CALN1: variants seen among roughly 807,000 people sequenced by gnomAD.
CALN1 encodes the protein calcium-binding protein 8.
CALN1 carries 17 observed loss-of-function variants against 30.6 expected under a neutral mutation model. The ratio of observed to expected loss-of-function variants is 0.56; its 90% CI spans 0.38 to 0.83. The LOEUF is 0.83. Ranked by LOEUF, CALN1 falls within the 40% of genes least tolerant of loss-of-function variation. The pLI is 0.00. For missense variants in CALN1, 291 were observed against 354.9 expected, an observed-to-expected ratio of 0.82 and a Z score of 1.45; for synonymous variants, 156 against 131.4, an observed-to-expected ratio of 1.19 and a Z score of -1.28.
At chr7:71,884,460 G>A (rs533501747) in intron 5 of CALN1, among the ~76,000 whole-genome samples, 2 of 151,796 alleles carry the variant, frequency 1.3e-5, no homozygotes, top group South Asian at 4.2e-4. Context: ...AGAAGCCACA[G>A]ACCCTGAGGC....
intron 3 of CALN1, among the ~76,000 whole-genome samples, chr7:72,273,304 C>A (rs1797118604): frequency 6.6e-6 from 1 of 151,576 alleles, no homozygotes; most frequent in African/African-American, 2.4e-5. Flanking sequence ...TGCCCATAAT[C>A]CCAGCTACTC....
intron 5 of CALN1, among the ~76,000 whole-genome samples, chr7:71,813,010 G>A (rs984673894): frequency 2.6e-5 from 4 of 151,308 alleles, no homozygotes; most frequent in African/African-American, 7.3e-5. Context: ...GTACAGTGGC[G>A]CAATCTTGGC....
At chr7:71,858,481 C>A (rs373946653) in intron 5 of CALN1, among the ~76,000 whole-genome samples, 1 of 150,376 alleles carries the variant, frequency 6.6e-6, no homozygotes, top group Admixed American at 6.6e-5. Flanking sequence ...TGTTCCTATA[C>A]AAGATAGCTA....
At chr7:71,878,164 G>A (rs1792356751) in intron 5 of CALN1, among the ~76,000 whole-genome samples, 1 of 152,176 alleles carries the variant, frequency 6.6e-6, no homozygotes, top group South Asian at 2.1e-4. Context: ...AATTAGCCTA[G>A]TATAAGTTAA....
intron 3 of CALN1, among the ~76,000 whole-genome samples, chr7:72,252,055 A>G (rs953683984): frequency 2.0e-5 from 3 of 152,180 alleles, no homozygotes; most frequent in Admixed American, 6.5e-5. Context: ...ATGCGTCCCC[A>G]AAGTCCAGAC....
At chr7:72,229,885 G>A (rs1024906293) in intron 3 of CALN1, among the ~76,000 whole-genome samples, 1 of 151,898 alleles carries the variant, frequency 6.6e-6, no homozygotes, top group African/African-American at 2.4e-5. Context: ...GCTCATACCT[G>A]TAATCTCAGC....
chr7:72,359,486 T>C (rs1803430564), intron 2 of CALN1, among the ~76,000 whole-genome samples: 1 of 152,184 alleles, frequency 6.6e-6, no homozygotes, highest in Non-Finnish European at 1.5e-5. Context: ...TCTTTTTCAC[T>C]TGACAAGGTA....
chr7:72,122,621 G>T (rs1256630930), intron 3 of CALN1, among the ~76,000 whole-genome samples: 1 of 152,148 alleles, frequency 6.6e-6, no homozygotes, highest in Non-Finnish European at 1.5e-5. Flanking sequence ...AGCTACTGGG[G>T]AGACTGAGGT....
intron 3 of CALN1, among the ~76,000 whole-genome samples, chr7:72,190,561 A>G (rs1246367067): frequency 6.6e-6 from 1 of 152,236 alleles, no homozygotes; most frequent in Admixed American, 6.5e-5. Context: ...AGTTAATACA[A>G]AAGTGAGTCT....
At chr7:72,481,508 C>T in the CALN1 span, among the ~76,000 whole-genome samples, 1 of 152,066 alleles carries the variant, frequency 6.6e-6, no homozygotes, top group Admixed American at 6.5e-5. Context: ...TTTAAAAACT[C>T]ATTTTGGGTT....
intron 2 of CALN1, among the ~76,000 whole-genome samples, chr7:72,339,842 C>T (rs1369795552): frequency 6.6e-6 from 1 of 152,156 alleles, no homozygotes; most frequent in African/African-American, 2.4e-5. Flanking sequence ...ATGGGGGAGA[C>T]CTGTGCCCAT....
chr7:72,068,103 G>A (rs1418476222), intron 4 of CALN1, among the ~76,000 whole-genome samples: 1 of 152,074 alleles, frequency 6.6e-6, no homozygotes, highest in Non-Finnish European at 1.5e-5. Context: ...CTCAATTAAA[G>A]CTTAAATAGT....
At chr7:72,290,779 T>G (rs1457586064) in intron 2 of CALN1, among the ~76,000 whole-genome samples, 4 of 152,348 alleles carry the variant, frequency 2.6e-5, no homozygotes, top group Non-Finnish European at 5.9e-5. Flanking sequence ...GAATGGTGGT[T>G]GAACCTGTCT....
At chr7:72,367,813 T>G (rs1477815869) in intron 2 of CALN1, among the ~76,000 whole-genome samples, 1 of 151,674 alleles carries the variant, frequency 6.6e-6, no homozygotes, top group Non-Finnish European at 1.5e-5. Context: ...CCAGCCCAGG[T>G]GACAGAGCAA....
intron 2 of CALN1, among the ~76,000 whole-genome samples, chr7:72,374,322 A>G (rs897706750): frequency 1.3e-5 from 2 of 152,224 alleles, no homozygotes; most frequent in African/African-American, 2.4e-5. Flanking sequence ...TGAGGTCAGG[A>G]GCTCAATCCC....
chr7:72,371,099 T>C (rs958036439), intron 2 of CALN1, among the ~76,000 whole-genome samples: 4 of 151,662 alleles, frequency 2.6e-5, no homozygotes, highest in African/African-American at 7.3e-5. Context: ...AAGTCTGGTA[T>C]ATTAATTTGT....
At chr7:71,789,942 T>TAA (rs141693527) in intron 6 of CALN1, among the ~76,000 whole-genome samples, 3 of 149,470 alleles carry the variant, frequency 2.0e-5, no homozygotes, top group African/African-American at 2.5e-5. Context: ...CAAAAAATAA[T>TAA]AAAAAAAAAA....
intron 4 of CALN1, among the ~76,000 whole-genome samples, chr7:72,060,332 G>A (rs1803561869): frequency 6.6e-6 from 1 of 152,138 alleles, no homozygotes; most frequent in Non-Finnish European, 1.5e-5. Flanking sequence ...CTTGGATCAG[G>A]AAGCTGATAC....
chr7:72,445,836 G>A (rs371594128), intron 1 of CALN1, among the ~76,000 whole-genome samples: 1 of 152,282 alleles, frequency 6.6e-6, no homozygotes, highest in African/African-American at 2.4e-5. Flanking sequence ...TACCGTTCAT[G>A]GAAATGGTTC....
Sources: gnomAD v4.1 joint callset for allele counts (sites outside exome capture counted in the v4.1 genomes callset) on GRCh38, gnomAD v4.1.1 for gene constraint, MANE v1.5 for transcripts, NCBI Gene and HGNC (gene_info 2026-07-23, HGNC 2026-07-21) for gene names.